SLFNL1: variants seen among roughly 807,000 people sequenced by gnomAD.
SLFNL1 encodes the protein schlafen like 1.
SLFNL1 carries 26 observed loss-of-function variants against 32.5 expected under a neutral mutation model. The ratio of observed to expected loss-of-function variants is 0.80; its 90% CI spans 0.59 to 1.11. SLFNL1 has a LOEUF of 1.11. SLFNL1 is among the 50% of genes least tolerant of loss of function. The pLI is 0.00. For missense variants in SLFNL1, 553 were observed against 546.5 expected (o/e 1.01, Z -0.12); for synonymous variants, 255 against 242.2 (o/e 1.05, Z -0.49).
At position 41,017,074 on chromosome 1, in the gene SLFNL1, G is replaced by A; in HGVS notation, c.1101+160C>T. The stretch of plus-strand genomic sequence containing the variant: ...TTCCCACCAGCCACCTACCCGCGGA[G>A]TATGGGATGTGGTGTGATTGTATTC... On this transcript the variant is annotated intron_variant, in intron 5 of 5. Transcript: ENST00000302946. This position sits in a 1 kb window ranked among gnomAD's most constrained non-coding sequence, Gnocchi z 4.9. 1 of 842,616 alleles carries A rather than the reference G, an allele frequency of 1.2e-6. No individual in the cohort carries two copies. Among genetic ancestry groups the A allele is most frequent in the Non-Finnish European group, 1.7e-6 (1 of 575,658 alleles). 52.2% of individuals were successfully genotyped at this position (842,616 alleles called of 1,614,324 possible).
chr1:41,020,266 A>G lies in SLFNL1; in HGVS notation c.395T>C (p.Leu132Pro). Residue 132 changes from leucine to proline, a missense_variant, in exon 3 of 6, where the codon CTG becomes CCG. Transcript: ENST00000302946. ...LKELAARGKDLLLSEAQGPFS... is the reference protein window; with the variant it reads ...LKELAARGKDPLLSEAQGPFS... ...GGGCCCTTGGGCCTCACTCAATAGC[A>G]GGTCCTTCCCACGGGCTGCCAGCTC... 6.2e-7 allele frequency: 1 copy of G among 1,611,056 alleles called. No individual in the cohort carries two copies. Among genetic ancestry groups the G allele is most frequent in the Non-Finnish European group, 8.5e-7 (1 of 1,178,502 alleles).
In SLFNL1 at chr1:41,017,763, C is replaced by CA. The variant is rs1228272937; in HGVS notation, c.828dup (p.Asp277Ter). ...ACCAGCAGGCGTGCGCGGTCCTCGT[C>CA]ACGGTGGCTGCAGCGGATGCCCTGC... is the stretch of plus-strand genomic sequence containing the variant. On this transcript the variant is annotated frameshift_variant, in exon 4 of 6. Transcript: ENST00000302946. LOFTEE classifies it high-confidence loss of function. This position sits in a 1 kb window ranked among gnomAD's most constrained non-coding sequence, Gnocchi z 4.9. 6.2e-7 allele frequency: 1 copy of CA among 1,607,922 alleles called. No homozygotes were observed. The highest frequency in any genetic ancestry group is 2.2e-5 in the East Asian group (1 of 44,738).
At position 41,016,092 on chromosome 1, in the gene SLFNL1, G is replaced by C. The variant is rs749393274; in HGVS notation, c.*14C>G. On this transcript the variant is annotated 3_prime_UTR_variant, in exon 6 of 6. Transcript: ENST00000302946. ...TGGAGAGTGCCGTGCCGTCCTGCCT[G>C]CTCCCCAGGGCCCTCACAGGACACA... The C allele has an allele frequency of 5.6e-6, 9 of 1,610,036 alleles. No homozygotes were observed. Among genetic ancestry groups the C allele is most frequent in the Non-Finnish European group, 7.6e-6 (9 of 1,177,790 alleles).
chr1:41,017,068 C>T lies in SLFNL1; in HGVS notation c.1101+166G>A, dbSNP rs375875946. 7.5e-6 allele frequency: 6 copies of T among 800,946 alleles called. No homozygotes were observed. The Admixed American group carries it at 1.0e-4, about 13-fold the overall frequency. The allele number at this position is 800,946 out of a possible 1,614,324, so 49.6% of individuals were successfully genotyped here. ...TCTTCCTTCCCACCAGCCACCTACC[C>T]GCGGAGTATGGGATGTGGTGTGATT... On this transcript the variant is annotated intron_variant, in intron 5 of 5. Transcript: ENST00000302946. The surrounding 1 kb of genome is among the most constrained non-coding windows in gnomAD (Gnocchi z 4.9).
In SLFNL1 at chr1:41,015,747, C is replaced by T. The variant is rs1276276346; in HGVS notation, c.*359G>A. 2 of 173,262 alleles carry T rather than the reference C, an allele frequency of 1.2e-5. No individual in the cohort carries two copies. The highest frequency in any genetic ancestry group is 4.7e-5 in the African/African-American group (2 of 42,408). 10.7% of individuals were successfully genotyped at this position (173,262 alleles called of 1,614,324 possible). ...GGGGCTTTCCTGAGATGACAGATTC[C>T]TTTCTGGCACTGTGTAGCCAACTGG... On this transcript the variant is annotated 3_prime_UTR_variant, in exon 6 of 6. Transcript: ENST00000302946.
In SLFNL1 at chr1:41,015,902, G is replaced by C; in HGVS notation, c.*204C>G. Reference sequence around the variant, plus strand: ...TGAAAGTAAGGTCATTTGGGGACAGGGCTGAGAGCAGTTTCTTGGCTACAC... The same window carrying C: ...TGAAAGTAAGGTCATTTGGGGACAGCGCTGAGAGCAGTTTCTTGGCTACAC... On this transcript the variant is annotated 3_prime_UTR_variant, in exon 6 of 6. Transcript: ENST00000302946. 1.7e-6 allele frequency: 1 copy of C among 604,008 alleles called. No homozygotes were observed. Among genetic ancestry groups the C allele is most frequent in the Non-Finnish European group, 2.8e-6 (1 of 355,802 alleles). 37.4% of individuals were successfully genotyped at this position (604,008 alleles called of 1,614,324 possible).
chr1:41,018,042 G>T lies in SLFNL1; in HGVS notation c.550C>A (p.Gln184Lys), dbSNP rs1173215326. ...GGCCGGCCCTGGCAGCTCTGCAGCT[G>T]CTGGGCCTGGGGCCTATCAGGCAGC... ...HTLPDRPQAQ[Q>K]LQSCQGRPSG... Residue 184 changes from glutamine (Q) to lysine (K), a missense_variant, in exon 4 of 6, where the codon CAG becomes AAG. Physicochemically the swap from Gln to Lys is moderately conservative, Grantham distance 53. Coordinates refer to ENST00000302946, the MANE Select transcript of SLFNL1 (RefSeq NM_144990.4). The T allele has an allele frequency of 6.3e-7, 1 of 1,594,404 alleles. No individual in the cohort carries two copies. The highest frequency in any genetic ancestry group is 8.5e-7 in the Non-Finnish European group (1 of 1,171,248).
Position 41,018,037 on chromosome 1 carries a change from C to T in SLFNL1, c.555G>A (p.Leu185=). The T allele has an allele frequency of 6.3e-7, 1 of 1,596,298 alleles. No individual in the cohort carries two copies. Among genetic ancestry groups the T allele is most frequent in the Non-Finnish European group, 8.5e-7 (1 of 1,172,284 alleles). ...TLPDRPQAQQ[L]QSCQGRPSGV... is the part of the protein sequence containing the mutation. ...CGCTGGGCCGGCCCTGGCAGCTCTG[C>T]AGCTGCTGGGCCTGGGGCCTATCAG... Residue 185 remains leucine, a synonymous_variant, in exon 4 of 6, where the codon CTG becomes CTA. Transcript: ENST00000302946.
rs1457940413 is a variant in SLFNL1 at position 41,020,885 on chromosome 1, CAG to C, written c.-125-17_-125-16del. On this transcript the variant is annotated splice_polypyrimidine_tract_variant and intron_variant, in intron 1 of 5. Transcript: ENST00000302946. ...CCACCTGAGGCCTAGGATGAGAAAG[CAG>C]AGTCACGTGGACTGAGCAAGACACA... 3 of 575,564 alleles carry C rather than the reference CAG, an allele frequency of 5.2e-6. No homozygotes were observed. The African/African-American group carries it at 5.6e-5, about 11-fold the overall frequency. The allele number at this position is 575,564 out of a possible 1,614,324, so 35.7% of individuals were successfully genotyped here.
Position 41,017,143 on chromosome 1 carries a change from A to C in SLFNL1, c.1101+91T>G. The C allele has an allele frequency of 7.0e-7, 1 of 1,427,710 alleles. No homozygotes were observed. The highest frequency in any genetic ancestry group is 1.4e-5 in the South Asian group (1 of 70,416). The allele number at this position is 1,427,710 out of a possible 1,614,324, so 88.4% of individuals were successfully genotyped here. On this transcript the variant is annotated intron_variant, in intron 5 of 5. Transcript: ENST00000302946. This position sits in a 1 kb window ranked among gnomAD's most constrained non-coding sequence, Gnocchi z 4.9. ...GGGGTGATGCAGGACCCAGGGAACC[A>C]TGGTGGCTTGCCCTGGGCTGCTCAG...
At chr1:41,020,193 C>A in intron 3 of SLFNL1, 33 bp downstream of exon 3, 1 of 1,554,006 alleles carries the variant, frequency 6.4e-7, no homozygotes. Context: ...TGGGGTGAGG[C>A]TTTGGAGCTT....
chr1:41,017,511 C>T lies in SLFNL1; in HGVS notation c.957+124G>A. 1 of 1,490,342 alleles carries T rather than the reference C, an allele frequency of 6.7e-7. No homozygotes were observed. Among genetic ancestry groups the T allele is most frequent in the South Asian group, 1.3e-5 (1 of 74,704 alleles). The allele number at this position is 1,490,342 out of a possible 1,614,324, so 92.3% of individuals were successfully genotyped here. A position where few individuals can be genotyped will look rare whatever the true frequency, so the allele number is the denominator to read the frequency against. On this transcript the variant is annotated intron_variant, in intron 4 of 5. Coordinates refer to ENST00000302946, the MANE Select transcript of SLFNL1 (RefSeq NM_144990.4). The surrounding 1 kb of genome is among the most constrained non-coding windows in gnomAD (Gnocchi z 4.9). Reference sequence around the variant, plus strand: ...GGGCTGGCACAGGGGCCATCCCCAGCCTCTTCTCCTGTGGCCCCCAGTCCC... The same window carrying T: ...GGGCTGGCACAGGGGCCATCCCCAGTCTCTTCTCCTGTGGCCCCCAGTCCC...
chr1:41,017,976 T>A lies in SLFNL1; in HGVS notation c.616A>T (p.Ile206Phe). ...CSDSAIVHQQ[I>F]VGKDQLFQGA... ...TGGAAGAGCTGGTCCTTGCCCACGA[T>A]CTGCTGGTGCACAATGGCACTGTCG... The change falls in exon 4 of 6, where the codon ATC (isoleucine) becomes TTC (phenylalanine). Residue 206 changes from isoleucine (I) to phenylalanine (F), a missense_variant. Ile to Phe is a conservative substitution (Grantham distance 21). Coordinates refer to ENST00000302946, the MANE Select transcript of SLFNL1 (RefSeq NM_144990.4). The surrounding 1 kb of genome is among the most constrained non-coding windows in gnomAD (Gnocchi z 4.9). The A allele has an allele frequency of 4.3e-6, 7 of 1,610,740 alleles. No individual in the cohort carries two copies. The highest frequency in any genetic ancestry group is 5.9e-6 in the Non-Finnish European group (7 of 1,179,014).
rs75898383 is a variant in SLFNL1, at chr1:41,016,042, A to G, written c.*64T>C. On this transcript the variant is annotated 3_prime_UTR_variant, in exon 6 of 6. Transcript: ENST00000302946. ...GGCTTTACTGGTTGGCCTTACACTC[A>G]AACAGGAAATCCCTGGGTCTCAGGT... 1,643 of 1,565,086 alleles carry G rather than the reference A, an allele frequency of 1.0e-3. 23 individuals carry two copies. In the East Asian group the frequency reaches 0.027, roughly 25 times the overall value.
At position 41,017,512 on chromosome 1, in the gene SLFNL1, C is replaced by T. The variant is rs1643444576; in HGVS notation, c.957+123G>A. ...GGCTGGCACAGGGGCCATCCCCAGC[C>T]TCTTCTCCTGTGGCCCCCAGTCCCG... On this transcript the variant is annotated intron_variant, in intron 4 of 5. Coordinates refer to ENST00000302946, the MANE Select transcript of SLFNL1 (RefSeq NM_144990.4). The surrounding 1 kb of genome is among the most constrained non-coding windows in gnomAD (Gnocchi z 4.9). The T allele has an allele frequency of 6.7e-7, 1 of 1,491,850 alleles. No individual in the cohort carries two copies. The highest frequency in any genetic ancestry group is 1.4e-5 in the African/African-American group (1 of 71,582). The allele number at this position is 1,491,850 out of a possible 1,614,324, so 92.4% of individuals were successfully genotyped here.
Position 41,018,166 on chromosome 1 carries a change from T to C in SLFNL1, c.436-10A>G, listed in dbSNP as rs1643509961. The C allele has an allele frequency of 4.1e-6, 6 of 1,459,264 alleles. No individual in the cohort carries two copies. The highest frequency in any genetic ancestry group is 5.4e-6 in the Non-Finnish European group (6 of 1,102,854). 90.4% of individuals were successfully genotyped at this position (1,459,264 alleles called of 1,614,324 possible). On this transcript the variant is annotated splice_polypyrimidine_tract_variant and intron_variant, in intron 3 of 5. Coordinates refer to ENST00000302946, the MANE Select transcript of SLFNL1 (RefSeq NM_144990.4). ...CCTCCTCCTCCTTCTCCTAGGGTGG[T>C]AGTCAAGAATGAATGTATGGGTCCA...
At position 41,015,860 on chromosome 1, in the gene SLFNL1, G is replaced by C; in HGVS notation, c.*246C>G. On this transcript the variant is annotated 3_prime_UTR_variant, in exon 6 of 6. Coordinates refer to ENST00000302946, the MANE Select transcript of SLFNL1 (RefSeq NM_144990.4). Reference sequence around the variant, plus strand: ...TAGCCCTAGGGGAGCTCTGGGCAGGGTTTTACACATTCTTTCTGAAAGTAA... The same window carrying C: ...TAGCCCTAGGGGAGCTCTGGGCAGGCTTTTACACATTCTTTCTGAAAGTAA... 1 of 442,162 alleles carries C rather than the reference G, an allele frequency of 2.3e-6. No homozygotes were observed. Among genetic ancestry groups the C allele is most frequent in the East Asian group, 4.2e-5 (1 of 23,570 alleles). 27.4% of individuals were successfully genotyped at this position (442,162 alleles called of 1,614,324 possible).
chr1:41,018,814 A>ATGT lies in SLFNL1; in HGVS notation c.436-661_436-659dup, dbSNP rs545139150. Among the ~76,000 whole-genome samples, 20 of 124,578 alleles carry ATGT rather than the reference A, an allele frequency of 1.6e-4. No individual in the cohort carries two copies. The East Asian group carries it at 4.3e-3, about 27-fold the overall frequency. The allele number at this position is 124,578 out of a possible 152,430, so 81.7% of individuals were successfully genotyped here. ...TCCCTGCTTCCAGGCTCACCCTTTC[A>ATGT]TGTCAACCCTCCTGTTTTTTTTTTT... On this transcript the variant is annotated intron_variant, in intron 3 of 5. Transcript: ENST00000302946.
At position 41,017,219 on chromosome 1, in the gene SLFNL1, C is replaced by T; in HGVS notation, c.1101+15G>A. ...AGCTCCGCTCCACCCCACCCACTGGCCTCAGCTTCCGTACCTGCCTGCACC... is the reference window on the plus strand; with the variant it reads ...AGCTCCGCTCCACCCCACCCACTGGTCTCAGCTTCCGTACCTGCCTGCACC... On this transcript the variant is annotated intron_variant, in intron 5 of 5. Transcript: ENST00000302946. The surrounding 1 kb of genome is among the most constrained non-coding windows in gnomAD (Gnocchi z 4.9). The T allele has an allele frequency of 1.3e-6, 2 of 1,545,952 alleles. No homozygotes were observed.
Sources: allele counts gnomAD v4.1 joint callset (sites outside exome capture counted in the v4.1 genomes callset), GRCh38; gene constraint gnomAD v4.1.1; non-coding constraint Gnocchi (gnomAD v3.1); transcripts MANE v1.5; gene names NCBI Gene and HGNC (gene_info 2026-07-23, HGNC 2026-07-21).